Variants in PRKCE observed in about 807,000 individuals in gnomAD.
PRKCE encodes the protein protein kinase C epsilon type.
A neutral mutation model predicts 85.4 loss-of-function variants in PRKCE; 16 were observed. The ratio of observed to expected loss-of-function variants is 0.19; its 90% CI spans 0.13 to 0.28. The LOEUF (loss-of-function observed/expected upper bound fraction) is 0.28, where lower values mean the gene tolerates loss of function less well. Among genes scored for constraint, PRKCE ranks in the 10% least tolerant of loss-of-function variants. The pLI is 1.00. For missense variants in PRKCE, 573 were observed against 975.2 expected, an observed-to-expected ratio of 0.59 and a Z score of 5.49; for synonymous variants, 388 against 371.5, an observed-to-expected ratio of 1.04 and a Z score of -0.51.
chr2:45,936,115 A>G (rs1699431665), intron 2 of PRKCE, among the ~76,000 whole-genome samples: 2 of 152,168 alleles, frequency 1.3e-5, no homozygotes, highest in African/African-American at 4.8e-5. Context: ...CTAGGAGGGC[A>G]GGCACTGAGG....
chr2:45,699,494 T>A (rs963740577), intron 1 of PRKCE, among the ~76,000 whole-genome samples: 1 of 152,148 alleles, frequency 6.6e-6, no homozygotes, highest in African/African-American at 2.4e-5. Context: ...GATTGCTTCC[T>A]CTGTGACACC....
intron 1 of PRKCE, among the ~76,000 whole-genome samples, chr2:45,841,592 T>G (rs1055580716): frequency 6.6e-6 from 1 of 152,228 alleles, no homozygotes; most frequent in Admixed American, 6.5e-5. Flanking sequence ...CCCAGTCCAC[T>G]GGCTCAAATA....
intron 10 of PRKCE, among the ~76,000 whole-genome samples, chr2:46,061,113 T>TG (rs1667080310): frequency 6.9e-6 from 1 of 144,086 alleles, no homozygotes; most frequent in African/African-American, 2.6e-5. Flanking sequence ...CCTTTTTTTT[T>TG]TTTTTTTTTT....
chr2:46,077,068 T>C (rs1245371590), intron 10 of PRKCE, among the ~76,000 whole-genome samples: 1 of 152,158 alleles, frequency 6.6e-6, no homozygotes, highest in Non-Finnish European at 1.5e-5. Context: ...TCCTAGTGAT[T>C]TGCTGGGCAG....
chr2:45,976,729 T>C (rs192735391), intron 3 of PRKCE, 141 bp downstream of exon 3: 2 of 1,065,346 alleles, frequency 1.9e-6, no homozygotes, highest in Non-Finnish European at 2.7e-6. Context: ...GGGACTATTA[T>C]GGAAGGCTAA....
At chr2:45,944,110 T>C (rs961726401) in intron 2 of PRKCE, among the ~76,000 whole-genome samples, 36 of 152,256 alleles carry the variant, frequency 2.4e-4, no homozygotes, top group Admixed American at 4.6e-4. Context: ...AGGGCCATTC[T>C]ATGCATATTC....
intron 2 of PRKCE, among the ~76,000 whole-genome samples, chr2:45,893,720 G>T (rs1230070629): frequency 6.6e-6 from 1 of 152,042 alleles, no homozygotes; most frequent in East Asian, 1.9e-4. Flanking sequence ...CACCTCATGG[G>T]CCACTCTTAT....
At chr2:45,982,628 T>C (rs145550992) in intron 5 of PRKCE, among the ~76,000 whole-genome samples, 2 of 152,280 alleles carry the variant, frequency 1.3e-5, no homozygotes, top group East Asian at 1.9e-4. Context: ...ACTCACCCCA[T>C]TGTATCTGTG....
intron 10 of PRKCE, among the ~76,000 whole-genome samples, chr2:46,070,024 G>C (rs1418916756): frequency 2.0e-5 from 3 of 152,220 alleles, no homozygotes; most frequent in Admixed American, 1.3e-4. Context: ...CCTGGTGCTA[G>C]TGTTTCTTTT....
intron 9 of PRKCE, among the ~76,000 whole-genome samples, chr2:46,010,056 T>A (rs1705529793): frequency 6.6e-6 from 1 of 152,226 alleles, no homozygotes; most frequent in Non-Finnish European, 1.5e-5. Context: ...GTAGTAACTG[T>A]AGAACGGTAG....
chr2:46,133,655 A>G (rs1674681648), intron 11 of PRKCE, among the ~76,000 whole-genome samples: 1 of 152,196 alleles, frequency 6.6e-6, no homozygotes, highest in Non-Finnish European at 1.5e-5. Context: ...AATACTGGGT[A>G]CTTTGCAGGG....
At chr2:45,763,115 C>T (rs562708007) in intron 1 of PRKCE, among the ~76,000 whole-genome samples, 6 of 152,162 alleles carry the variant, frequency 3.9e-5, no homozygotes, top group Admixed American at 1.3e-4. Flanking sequence ...CCACCACACC[C>T]GGCTAATTTT....
chr2:46,162,292 C>T (rs935382583), intron 14 of PRKCE, among the ~76,000 whole-genome samples: 1 of 152,134 alleles, frequency 6.6e-6, no homozygotes, highest in African/African-American at 2.4e-5. Flanking sequence ...GACTAAAGAG[C>T]CAGAAAGACC....
chr2:45,743,612 A>G (rs762863794), intron 1 of PRKCE, among the ~76,000 whole-genome samples: 9 of 152,216 alleles, frequency 5.9e-5, no homozygotes, highest in African/African-American at 9.6e-5. Flanking sequence ...TTTATCTTTC[A>G]GATCCCGCCC....
intron 1 of PRKCE, among the ~76,000 whole-genome samples, chr2:45,731,617 ATTTTTTT>A (rs11329717): frequency 0.053 from 5,815 of 108,762 alleles, 378 homozygotes; most frequent in African/African-American, 0.18. Flanking sequence ...AATTCCTGGA[ATTTTTTT>A]TTTTTTTTTT....
intron 13 of PRKCE, among the ~76,000 whole-genome samples, chr2:46,154,408 G>T (rs1676982766): frequency 6.6e-6 from 1 of 151,578 alleles, no homozygotes; most frequent in Non-Finnish European, 1.5e-5. Flanking sequence ...AATTACTTCT[G>T]TTGCACTTCT....
intron 1 of PRKCE, among the ~76,000 whole-genome samples, chr2:45,692,480 T>G (rs1461350972): frequency 1.3e-5 from 2 of 152,164 alleles, no homozygotes; most frequent in Non-Finnish European, 2.9e-5. Context: ...CCCACCCTAA[T>G]GACCTCATCT....
intron 1 of PRKCE, among the ~76,000 whole-genome samples, chr2:45,788,452 A>T (rs1573361305): frequency 6.6e-6 from 1 of 152,148 alleles, no homozygotes; most frequent in African/African-American, 2.4e-5. Context: ...CAGTGTTTTT[A>T]CGTGCAGTGT....
intron 2 of PRKCE, among the ~76,000 whole-genome samples, chr2:45,866,717 A>T (rs940432844): frequency 2.6e-5 from 4 of 152,230 alleles, no homozygotes; most frequent in Non-Finnish European, 5.9e-5. Context: ...ATTAAAACTT[A>T]AAAAATTAAA....
Sources: allele counts gnomAD v4.1 joint callset (sites outside exome capture counted in the v4.1 genomes callset), GRCh38; gene constraint gnomAD v4.1.1; transcripts MANE v1.5; gene names NCBI Gene and HGNC (gene_info 2026-07-23, HGNC 2026-07-21).